PDE4B: variants seen among roughly 807,000 people sequenced by gnomAD.
PDE4B encodes phosphodiesterase 4B.
A neutral mutation model predicts 82.2 loss-of-function variants in PDE4B; 20 were observed. The ratio of observed to expected loss-of-function variants is 0.24; its 90% confidence interval spans 0.17 to 0.35. The LOEUF (loss-of-function observed/expected upper bound fraction) is 0.35, where lower values mean the gene tolerates loss of function less well. PDE4B is among the 10% of genes least tolerant of loss of function. The pLI is 1.00. For missense variants in PDE4B, 655 were observed against 907.2 expected, an observed-to-expected ratio of 0.72 and a Z score of 3.57; for synonymous variants, 320 against 318.9, an observed-to-expected ratio of 1.00 and a Z score of -0.04.
At chr1:65,832,800 A>G (rs759538445) in intron 1 of PDE4B, among the ~76,000 whole-genome samples, 5 of 152,198 alleles carry the variant, frequency 3.3e-5, no homozygotes, top group Non-Finnish European at 7.3e-5. Flanking sequence ...TGAGCATCAG[A>G]GTTTCATGTG....
At chr1:65,857,189 G>C (rs1646403184) in intron 1 of PDE4B, among the ~76,000 whole-genome samples, 1 of 152,120 alleles carries the variant, frequency 6.6e-6, no homozygotes, top group Non-Finnish European at 1.5e-5. Flanking sequence ...GTCATATATA[G>C]TAATGTTCTG....
chr1:66,068,593 T>C (rs1392818), intron 3 of PDE4B, among the ~76,000 whole-genome samples: 127,517 of 151,874 alleles, frequency 0.84, 53,714 homozygotes, highest in Non-Finnish European at 0.87. Flanking sequence ...TAAAATAATA[T>C]ATGCTTTGCT....
chr1:66,233,866 C>T (rs1652191070), intron 3 of PDE4B, among the ~76,000 whole-genome samples: 1 of 152,054 alleles, frequency 6.6e-6, no homozygotes, highest in Non-Finnish European at 1.5e-5. Flanking sequence ...CTTGGATACA[C>T]CCTACTTAAT....
At chr1:66,345,740 G>A (rs1570739959) in intron 8 of PDE4B, among the ~76,000 whole-genome samples, 1 of 152,138 alleles carries the variant, frequency 6.6e-6, no homozygotes. Flanking sequence ...ACATGTAGGG[G>A]CCTGCCATGC....
intron 3 of PDE4B, among the ~76,000 whole-genome samples, chr1:66,116,827 A>G (rs778002056): frequency 2.0e-5 from 3 of 152,132 alleles, no homozygotes; most frequent in Non-Finnish European, 2.9e-5. Flanking sequence ...GGCCTCCCAA[A>G]TTGCTAGGAT....
intron 3 of PDE4B, among the ~76,000 whole-genome samples, chr1:66,064,069 T>G (rs1421484416): frequency 2.0e-5 from 3 of 152,000 alleles, no homozygotes; most frequent in Non-Finnish European, 2.9e-5. Flanking sequence ...AGATAAGTTG[T>G]GAACAAAAAC....
At chr1:65,864,808 T>C (rs776068561) in intron 1 of PDE4B, among the ~76,000 whole-genome samples, 22 of 152,220 alleles carry the variant, frequency 1.4e-4, no homozygotes, top group Non-Finnish European at 2.1e-4. Context: ...TCGACCCCTG[T>C]TGGGAGGTCT....
rs117067744 is a variant in PDE4B, at chr1:66,214,669, T to C, written c.282-32791T>C. On this transcript the variant is annotated intron_variant, in intron 3 of 16. Transcript: ENST00000341517. Reference sequence around the variant, plus strand: ...AACTTTATTTTACAGATTAAGAATCTGTAGATCAGAGAGATTATTTGCCCT... The same window carrying C: ...AACTTTATTTTACAGATTAAGAATCCGTAGATCAGAGAGATTATTTGCCCT... 8.4e-4 allele frequency among the ~76,000 whole-genome samples: 128 copies of C among 152,286 alleles called. 3 individuals carry two copies. In the East Asian group the frequency reaches 0.019, roughly 23 times the overall value.
intron 6 of PDE4B, among the ~76,000 whole-genome samples, chr1:66,259,621 T>C (rs1227794282): frequency 6.6e-6 from 1 of 152,170 alleles, no homozygotes; most frequent in Non-Finnish European, 1.5e-5. Context: ...TCTGAAAACC[T>C]TATCACTATC....
chr1:65,821,648 A>G (rs922049893), intron 1 of PDE4B, among the ~76,000 whole-genome samples: 1 of 152,222 alleles, frequency 6.6e-6, no homozygotes, highest in African/African-American at 2.4e-5. Flanking sequence ...AGATAATGGT[A>G]CTAACTTCTC....
At chr1:66,119,291 A>G (rs967215416) in intron 3 of PDE4B, among the ~76,000 whole-genome samples, 2 of 152,168 alleles carry the variant, frequency 1.3e-5, no homozygotes, top group East Asian at 3.8e-4. Flanking sequence ...TGTGTTTTCC[A>G]CTGTGATTTT....
chr1:65,865,915 C>T (rs1015934903), intron 1 of PDE4B, among the ~76,000 whole-genome samples: 1 of 152,200 alleles, frequency 6.6e-6, no homozygotes, highest in African/African-American at 2.4e-5. Flanking sequence ...AACTCCACCA[C>T]CCCCACTCCT....
At chr1:65,990,370 G>C (rs1651178206) in intron 3 of PDE4B, among the ~76,000 whole-genome samples, 1 of 151,982 alleles carries the variant, frequency 6.6e-6, no homozygotes, top group Admixed American at 6.6e-5. Flanking sequence ...ACTATATTTT[G>C]GCAGTTTTGA....
chr1:65,803,576 C>A (rs1178989237), intron 1 of PDE4B, among the ~76,000 whole-genome samples: 1 of 152,128 alleles, frequency 6.6e-6, no homozygotes, highest in Non-Finnish European at 1.5e-5. Context: ...CAAAGCCAGG[C>A]AATTTCTTGA....
At chr1:66,349,092 G>T (rs1661630120) in intron 8 of PDE4B, among the ~76,000 whole-genome samples, 1 of 152,088 alleles carries the variant, frequency 6.6e-6, no homozygotes, top group East Asian at 1.9e-4. Flanking sequence ...AATAATTTGG[G>T]GAGCTGTTCA....
intron 8 of PDE4B, chr1:66,354,621 C>T: frequency 6.6e-6 from 9 of 1,355,262 alleles, no homozygotes; most frequent in Middle Eastern, 2.7e-4. Context: ...TCTCTTCTGC[C>T]AGGAAATAAG....
chr1:66,129,425 A>G (rs1005066649), intron 3 of PDE4B, among the ~76,000 whole-genome samples: 6 of 151,936 alleles, frequency 3.9e-5, no homozygotes, highest in Non-Finnish European at 8.8e-5. Flanking sequence ...TGGGAGGCCG[A>G]GGCGGGCGGA....
At chr1:65,861,522 C>T (rs1443941207) in intron 1 of PDE4B, among the ~76,000 whole-genome samples, 2 of 152,116 alleles carry the variant, frequency 1.3e-5, no homozygotes, top group Non-Finnish European at 2.9e-5. Context: ...ATTGTCTTAG[C>T]TATACAGGCT....
chr1:66,029,886 T>C (rs1322299219), intron 3 of PDE4B, among the ~76,000 whole-genome samples: 1 of 152,226 alleles, frequency 6.6e-6, no homozygotes, highest in African/African-American at 2.4e-5. Flanking sequence ...CTTTGCTAGA[T>C]ATACAAAGGT....
Sources: gnomAD v4.1 joint callset for allele counts (sites outside exome capture counted in the v4.1 genomes callset) on GRCh38, gnomAD v4.1.1 for gene constraint, MANE v1.5 for transcripts, NCBI Gene and HGNC (gene_info 2026-07-23, HGNC 2026-07-21) for gene names.